VPS53: variants seen among roughly 807,000 people sequenced by gnomAD.
VPS53 encodes the protein VPS53 subunit of GARP complex.
A neutral mutation model predicts 107.0 loss-of-function variants in VPS53; 70 were observed. The ratio of observed to expected loss-of-function variants is 0.65; its 90% CI spans 0.54 to 0.80. The LOEUF (loss-of-function observed/expected upper bound fraction) is 0.80, where lower values mean the gene tolerates loss of function less well. Ranked by LOEUF, VPS53 falls within the 30% of genes least tolerant of loss-of-function variation. The probability of loss-of-function intolerance (pLI) is 0.00; values close to 1 mark genes in which losing one functional copy is unlikely to be tolerated. For missense variants in VPS53, 917 were observed against 1,049.4 expected (o/e 0.87, Z 1.74); for synonymous variants, 409 against 393.3 (o/e 1.04, Z -0.47).
At chr17:529,691 G>A (rs1437514538) in intron 19 of VPS53, among the ~76,000 whole-genome samples, 1 of 152,052 alleles carries the variant, frequency 6.6e-6, no homozygotes, top group Non-Finnish European at 1.5e-5. Context: ...CTGTGTAGAA[G>A]ACTTGTACAT....
At chr17:687,287 A>C (rs1236209106) in intron 4 of VPS53, among the ~76,000 whole-genome samples, 1 of 37,806 alleles carries the variant, frequency 2.6e-5, no homozygotes, top group South Asian at 1.1e-3. Flanking sequence ...CTCCAGCTCA[A>C]AAAAAAAAAG....
At chr17:551,697 A>C (rs1243074789) in intron 17 of VPS53, 175 bp downstream of exon 17, 20 of 458,422 alleles carry the variant, frequency 4.4e-5, no homozygotes, top group Middle Eastern at 5.9e-4. Context: ...CAAGCAACTG[A>C]ACTGACGCAG....
At chr17:532,821 C>T in intron 19 of VPS53, 21 bp downstream of exon 19, 1 of 1,613,186 alleles carries the variant, frequency 6.2e-7, no homozygotes, top group East Asian at 2.2e-5. Flanking sequence ...AGGCAAATGC[C>T]TGATACTACG....
chr17:587,047 A>G (rs768331859), intron 12 of VPS53, among the ~76,000 whole-genome samples: 2 of 152,056 alleles, frequency 1.3e-5, no homozygotes, highest in African/African-American at 2.4e-5. Flanking sequence ...TTCCTAAAAA[A>G]AAAACAAATA....
At chr17:694,446 T>G (rs769674132) in intron 4 of VPS53, among the ~76,000 whole-genome samples, 13 of 152,228 alleles carry the variant, frequency 8.5e-5, no homozygotes, top group Non-Finnish European at 1.5e-4. Context: ...ATGCACAGCA[T>G]GACCCAACAA....
In VPS53 at chr17:524,223, T is replaced by C. The variant is rs1443223868; in HGVS notation, c.2086-2485A>G. 6.6e-6 allele frequency among the ~76,000 whole-genome samples: 1 copy of C among 152,014 alleles called. No individual in the cohort carries two copies. Among genetic ancestry groups the C allele is most frequent in the East Asian group, 1.9e-4 (1 of 5,182 alleles). ...CTGAGGCAGGAGAATTGCTTGAACC[T>C]GGGAGGTTTGCGCTACAGCCTGGGT... On this transcript the variant is annotated intron_variant, in intron 19 of 21. Transcript: ENST00000437048. This position sits in a 1 kb window ranked among gnomAD's most constrained non-coding sequence, Gnocchi z 4.5.
intron 4 of VPS53, among the ~76,000 whole-genome samples, chr17:670,503 G>C (rs542060767): frequency 2.6e-5 from 4 of 152,322 alleles, no homozygotes; most frequent in South Asian, 2.1e-4. Context: ...AAGGAGTATG[G>C]AACCTGGCAC....
chr17:591,275 C>A (rs889238474), intron 12 of VPS53, among the ~76,000 whole-genome samples: 2 of 138,580 alleles, frequency 1.4e-5, no homozygotes, highest in Non-Finnish European at 3.2e-5. Context: ...CTCTTTTTTT[C>A]TTTATTAGTC....
intron 14 of VPS53, 34 bp from the exon 15 acceptor site, chr17:560,607 A>G (rs1438349042): frequency 6.3e-7 from 1 of 1,594,956 alleles, no homozygotes; most frequent in Non-Finnish European, 8.6e-7. Flanking sequence ...GTCAGCATGG[A>G]ATTTCTAATT....
intron 7 of VPS53, among the ~76,000 whole-genome samples, chr17:642,896 T>G (rs113457171): frequency 2.7e-4 from 20 of 74,982 alleles, no homozygotes; most frequent in South Asian, 4.9e-4. Context: ...TACTTGGAAA[T>G]CGAGGACAAC....
chr17:608,805 C>G (rs1054637192), intron 11 of VPS53, among the ~76,000 whole-genome samples: 1 of 151,728 alleles, frequency 6.6e-6, no homozygotes, highest in African/African-American at 2.4e-5. Flanking sequence ...TTTTTAGAGA[C>G]AGGGTCTTCG....
chr17:614,418 C>G (rs1032797192), intron 11 of VPS53, among the ~76,000 whole-genome samples: 1 of 152,170 alleles, frequency 6.6e-6, no homozygotes, highest in Admixed American at 6.5e-5. Context: ...TCTCTATTCT[C>G]GCCATAATTT....
chr17:631,571 C>G lies in VPS53; in HGVS notation c.666G>C (p.Ala222=), dbSNP rs1317666251. Residue 222 remains alanine (A), a synonymous_variant, in exon 8 of 22, where the codon GCG becomes GCC. Transcript: ENST00000437048. The part of the protein sequence containing the change: ...GQQILADFEE[A]FPSQGTKRPG... ...GTACCTTGGTGCCCTGGGAAGGAAA[C>G]GCTTCTTCAAAATCTGCCAGGATTT... 1.9e-6 allele frequency: 3 copies of G among 1,614,030 alleles called. No homozygotes were observed. Among genetic ancestry groups the G allele is most frequent in the Non-Finnish European group, 2.5e-6 (3 of 1,179,986 alleles).
At chr17:549,754 A>T (rs962716854) in intron 17 of VPS53, among the ~76,000 whole-genome samples, 2 of 152,074 alleles carry the variant, frequency 1.3e-5, no homozygotes, top group African/African-American at 4.8e-5. Context: ...GGCAAAACGA[A>T]TCCTCTAAGC....
At chr17:634,178 G>A (rs573932649) in intron 7 of VPS53, among the ~76,000 whole-genome samples, 1 of 151,348 alleles carries the variant, frequency 6.6e-6, no homozygotes, top group South Asian at 2.1e-4. Flanking sequence ...CTCTGGAACT[G>A]AGGTGGCAGA....
intron 4 of VPS53, among the ~76,000 whole-genome samples, chr17:667,653 TC>T (rs1478017868): frequency 2.2e-5 from 1 of 45,954 alleles, no homozygotes; most frequent in African/African-American, 7.0e-5. Context: ...AACATAATGT[TC>T]TGGGGGGGGG....
At chr17:664,088 T>C (rs1457073255) in intron 4 of VPS53, among the ~76,000 whole-genome samples, 3 of 152,042 alleles carry the variant, frequency 2.0e-5, no homozygotes, top group Non-Finnish European at 4.4e-5. Context: ...AGATGATTTT[T>C]TTTTTCTTGA....
At chr17:709,056 C>T (rs1331485329) in intron 2 of VPS53, among the ~76,000 whole-genome samples, 2 of 152,174 alleles carry the variant, frequency 1.3e-5, no homozygotes, top group South Asian at 2.1e-4. Flanking sequence ...GCAAGCTTGA[C>T]TCCTTCCTGT....
chr17:523,694 C>T (rs1050016744), intron 19 of VPS53, among the ~76,000 whole-genome samples: 2 of 152,242 alleles, frequency 1.3e-5, no homozygotes, highest in East Asian at 3.8e-4. Context: ...AAGGCCTGCA[C>T]CACGCAGGTC....
Sources: allele counts gnomAD v4.1 joint callset (sites outside exome capture counted in the v4.1 genomes callset), GRCh38; gene constraint gnomAD v4.1.1; non-coding constraint Gnocchi (gnomAD v3.1); transcripts MANE v1.5; gene names NCBI Gene and HGNC (gene_info 2026-07-23, HGNC 2026-07-21).